SEC11A: variants seen among roughly 807,000 people sequenced by gnomAD.
SEC11A encodes the protein signal peptidase complex catalytic subunit SEC11A.
In SEC11A, 14 loss-of-function variants were observed where a neutral mutation model predicts 25.6. The ratio of observed to expected loss-of-function variants is 0.55; its 90% CI spans 0.36 to 0.85. The LOEUF (loss-of-function observed/expected upper bound fraction) is 0.85. Among genes scored for constraint, SEC11A ranks in the 40% least tolerant of loss-of-function variants. The pLI, the probability that SEC11A is intolerant of heterozygous loss-of-function variation, is 0.01. For missense variants in SEC11A, 153 were observed against 222.9 expected, an observed-to-expected ratio of 0.69 and a Z score of 2.00; for synonymous variants, 83 against 76.4, an observed-to-expected ratio of 1.09 and a Z score of -0.45.
At chr15:84,673,983 G>C (rs1036543597) in intron 4 of SEC11A, among the ~76,000 whole-genome samples, 1 of 152,018 alleles carries the variant, frequency 6.6e-6, no homozygotes, top group Non-Finnish European at 1.5e-5. Context: ...AACTAAGCCA[G>C]GGAATTTCTG....
intron 1 of SEC11A, chr15:84,692,024 C>CTTTTTTTTTTTTT (rs59177902): frequency 8.6e-5 from 11 of 127,306 alleles, no homozygotes; most frequent in East Asian, 6.8e-4. Context: ...TTTTCTTTTT[C>CTTTTTTTTTTTTT]TTTTTTTTTT....
chr15:84,702,103 T>A (rs1016172200), intron 1 of SEC11A, among the ~76,000 whole-genome samples: 3 of 150,944 alleles, frequency 2.0e-5, no homozygotes, highest in Non-Finnish European at 4.4e-5. Flanking sequence ...AATAGGGAGG[T>A]AAGTTCATCA....
intron 3 of SEC11A, chr15:84,685,760 C>G (rs2141886595): frequency 6.6e-6 from 1 of 151,556 alleles, no homozygotes; most frequent in Admixed American, 6.6e-5. Flanking sequence ...AAACACTATC[C>G]ATGCTGAATA....
At chr15:84,700,593 C>CAAAAAAAAAAAAAAAAAA (rs776113920) in intron 1 of SEC11A, among the ~76,000 whole-genome samples, 2 of 36,102 alleles carry the variant, frequency 5.5e-5, no homozygotes, top group Non-Finnish European at 8.7e-5. Flanking sequence ...GACTCTGTCT[C>CAAAAAAAAAAAAAAAAAA]AAAAAAAAAA....
intron 3 of SEC11A, among the ~76,000 whole-genome samples, chr15:84,685,412 C>T (rs1004869952): frequency 6.6e-5 from 10 of 150,914 alleles, no homozygotes; most frequent in Admixed American, 5.3e-4. Flanking sequence ...TGCACACCAC[C>T]GTGCCTGACT....
chr15:84,678,442 G>C (rs962902825), intron 4 of SEC11A, among the ~76,000 whole-genome samples: 2 of 152,022 alleles, frequency 1.3e-5, no homozygotes, highest in African/African-American at 2.4e-5. Flanking sequence ...AACATTGTTC[G>C]CAATAAAAAA....
intron 5 of SEC11A, chr15:84,670,520 T>C: frequency 2.8e-6 from 1 of 354,790 alleles, no homozygotes; most frequent in Non-Finnish European, 5.2e-6. Context: ...ATTACAGGCG[T>C]GAGCCACTGC....
intron 1 of SEC11A, among the ~76,000 whole-genome samples, chr15:84,693,111 C>A (rs1004039534): frequency 6.6e-6 from 1 of 152,182 alleles, no homozygotes; most frequent in Non-Finnish European, 1.5e-5. Flanking sequence ...GTATGAGCCA[C>A]CATGCCTGGT....
intron 4 of SEC11A, among the ~76,000 whole-genome samples, chr15:84,677,469 CTTTTT>C (rs1897166046): frequency 2.1e-5 from 3 of 145,022 alleles, no homozygotes; most frequent in African/African-American, 7.6e-5. Context: ...TTTTTCTTTT[CTTTTT>C]CTTTTTTTTT....
At chr15:84,677,218 C>T (rs773157843) in intron 4 of SEC11A, among the ~76,000 whole-genome samples, 2 of 152,114 alleles carry the variant, frequency 1.3e-5, no homozygotes, top group African/African-American at 2.4e-5. Context: ...AACACAATTT[C>T]CACAAAAGAA....
At chr15:84,700,741 G>A (rs2141911140) in intron 1 of SEC11A, among the ~76,000 whole-genome samples, 1 of 151,344 alleles carries the variant, frequency 6.6e-6, no homozygotes, top group East Asian at 1.9e-4. Context: ...AGCACTTTGG[G>A]AAGCCGAGGC....
At chr15:84,683,850 C>T (rs1220535990) in intron 3 of SEC11A, among the ~76,000 whole-genome samples, 2 of 152,148 alleles carry the variant, frequency 1.3e-5, no homozygotes, top group African/African-American at 4.8e-5. Context: ...AGTCCTACTC[C>T]AGCATTTCAC....
intron 1 of SEC11A, among the ~76,000 whole-genome samples, chr15:84,702,078 A>G (rs1421522339): frequency 3.3e-5 from 5 of 151,286 alleles, no homozygotes; most frequent in South Asian, 2.1e-4. Context: ...TAACAATGAT[A>G]ATAATAATAA....
At chr15:84,700,198 A>T (rs1897887629) in intron 1 of SEC11A, among the ~76,000 whole-genome samples, 2 of 151,962 alleles carry the variant, frequency 1.3e-5, no homozygotes, top group African/African-American at 4.9e-5. Context: ...GGCAACCAAT[A>T]AAAAACTACC....
chr15:84,693,059 G>A (rs1396972729), intron 1 of SEC11A, among the ~76,000 whole-genome samples: 1 of 152,128 alleles, frequency 6.6e-6, no homozygotes, highest in African/African-American at 2.4e-5. Context: ...CTGGGCTCAA[G>A]CAATCCGCCT....
chr15:84,670,943 TAGG>T (rs1480274694), intron 4 of SEC11A, 161 bp from the exon 5 acceptor site: 1 of 430,292 alleles, frequency 2.3e-6, no homozygotes, highest in Non-Finnish European at 4.3e-6. Context: ...GCCCAAGTGA[TAGG>T]AAAGTTAGGA....
chr15:84,703,731 C>T (rs1030402192), intron 1 of SEC11A, among the ~76,000 whole-genome samples: 5 of 152,130 alleles, frequency 3.3e-5, no homozygotes, highest in Admixed American at 6.5e-5. Flanking sequence ...GGATGGACAG[C>T]GACTTGGAGG....
At chr15:84,693,978 T>A (rs889038688) in intron 1 of SEC11A, among the ~76,000 whole-genome samples, 1 of 152,174 alleles carries the variant, frequency 6.6e-6, no homozygotes, top group African/African-American at 2.4e-5. Flanking sequence ...ATGCTAATAA[T>A]TGTTGGATCT....
At chr15:84,690,988 A>C (rs574414609) in intron 2 of SEC11A, among the ~76,000 whole-genome samples, 1 of 152,318 alleles carries the variant, frequency 6.6e-6, no homozygotes, top group East Asian at 1.9e-4. Context: ...ACAAACCTTA[A>C]CATGGTAACT....
Sources: gnomAD v4.1 joint callset for allele counts (sites outside exome capture counted in the v4.1 genomes callset) on GRCh38, gnomAD v4.1.1 for gene constraint, MANE v1.5 for transcripts, NCBI Gene and HGNC (gene_info 2026-07-23, HGNC 2026-07-21) for gene names.